MAP3K3: variants seen among roughly 807,000 people sequenced by gnomAD.
The protein encoded by MAP3K3 is MAP/ERK kinase kinase 3.
Under a neutral mutation model 80.9 loss-of-function variants are expected in MAP3K3, and 12 were observed. The ratio of observed to expected loss-of-function variants is 0.15; its 90% CI spans 0.10 to 0.24. The LOEUF is 0.24. MAP3K3 is among the 10% of genes least tolerant of loss of function. The pLI is 1.00. For missense variants in MAP3K3, 596 were observed against 834.7 expected, an observed-to-expected ratio of 0.71 and a Z score of 3.52; for synonymous variants, 272 against 307.1, an observed-to-expected ratio of 0.89 and a Z score of 1.19.
chr17:63,695,734 G>A lies in MAP3K3; in HGVS notation c.*1957G>A, dbSNP rs567220792. 5.7e-4 allele frequency: 87 copies of A among 152,688 alleles called. 1 individual carries two copies. Among genetic ancestry groups the A allele is most frequent in the African/African-American group, 2.0e-3 (82 of 41,544 alleles). 9.5% of individuals were successfully genotyped at this position (152,688 alleles called of 1,614,324 possible). On this transcript the variant is annotated 3_prime_UTR_variant, in exon 16 of 16. Coordinates refer to ENST00000361733, the MANE Select transcript of MAP3K3 (RefSeq NM_002401.5). The surrounding 1 kb of genome is among the most constrained non-coding windows in gnomAD (Gnocchi z 4.1). ...CTCAACTGTGCGTCCCAGGTTCAGG[G>A]TCTTACAGAGCTCCACCCCCTGGGG...
chr17:63,623,956 T>G (rs1338297690), intron 1 of MAP3K3, among the ~76,000 whole-genome samples: 1 of 152,134 alleles, frequency 6.6e-6, no homozygotes, highest in African/African-American at 2.4e-5. Context: ...AGATATTGTT[T>G]TGTGACCCAT....
At chr17:63,688,618 G>T (rs754301618) in intron 9 of MAP3K3, 24 bp downstream of exon 9, 15 of 1,606,264 alleles carry the variant, frequency 9.3e-6, no homozygotes, top group Admixed American at 8.3e-5. Context: ...AGCCTGGGTG[G>T]GTAATGCAGG....
At chr17:63,648,482 C>T (rs1258131174) in intron 3 of MAP3K3, among the ~76,000 whole-genome samples, 2 of 152,112 alleles carry the variant, frequency 1.3e-5, no homozygotes, top group African/African-American at 2.4e-5. Flanking sequence ...TAGATAGCAC[C>T]TAACAGTATC....
At chr17:63,681,622 A>G (rs1000005239) in intron 6 of MAP3K3, 144 bp from the exon 7 acceptor site, 38 of 634,828 alleles carry the variant, frequency 6.0e-5, no homozygotes, top group Non-Finnish European at 8.0e-5. Flanking sequence ...TGCCTGAGGG[A>G]GCTGGCACAT....
chr17:63,678,568 T>C (rs2035267187), intron 6 of MAP3K3, among the ~76,000 whole-genome samples: 1 of 152,226 alleles, frequency 6.6e-6, no homozygotes, highest in Non-Finnish European at 1.5e-5. Flanking sequence ...GACCCCATGT[T>C]AGCTTTCCTG....
chr17:63,650,101 G>T (rs2034619985), intron 3 of MAP3K3, among the ~76,000 whole-genome samples: 1 of 152,222 alleles, frequency 6.6e-6, no homozygotes, highest in African/African-American at 2.4e-5. Context: ...ACTAAGAGAT[G>T]AAGGTTGTTT....
At chr17:63,663,092 G>A (rs2034929200) in intron 5 of MAP3K3, among the ~76,000 whole-genome samples, 1 of 152,156 alleles carries the variant, frequency 6.6e-6, no homozygotes, top group East Asian at 1.9e-4. Flanking sequence ...AGGAGAACTT[G>A]TGAGATGTTG....
intron 6 of MAP3K3, among the ~76,000 whole-genome samples, chr17:63,677,950 C>T (rs1471580334): frequency 1.3e-5 from 2 of 152,224 alleles, no homozygotes; most frequent in Non-Finnish European, 2.9e-5. Flanking sequence ...ATGGGATCTC[C>T]ATCCTCCATA....
intron 1 of MAP3K3, among the ~76,000 whole-genome samples, chr17:63,628,799 G>C (rs1018607496): frequency 6.6e-6 from 1 of 152,110 alleles, no homozygotes; most frequent in African/African-American, 2.4e-5. Context: ...TGTTGTTAAT[G>C]ATTTATAAAA....
chr17:63,678,680 A>C (rs2035269420), intron 6 of MAP3K3, among the ~76,000 whole-genome samples: 1 of 152,262 alleles, frequency 6.6e-6, no homozygotes, highest in Admixed American at 6.5e-5. Context: ...AAATGTATTC[A>C]GCACAACCAC....
chr17:63,686,383 T>C (rs905146241), intron 8 of MAP3K3, among the ~76,000 whole-genome samples: 1 of 152,212 alleles, frequency 6.6e-6, no homozygotes, highest in African/African-American at 2.4e-5. Flanking sequence ...TATCATAGAA[T>C]ACAGTCATGG....
chr17:63,687,027 T>C (rs1461100575), intron 8 of MAP3K3, among the ~76,000 whole-genome samples: 2 of 152,144 alleles, frequency 1.3e-5, no homozygotes. Context: ...GAAAGATGCC[T>C]GGTTTAGCAG....
intron 2 of MAP3K3, chr17:63,636,982 C>T (rs560655467): frequency 1.3e-5 from 8 of 614,374 alleles, no homozygotes; most frequent in East Asian, 8.4e-5. Flanking sequence ...CCATGGGCTA[C>T]GGTATCCGGA....
intron 1 of MAP3K3, among the ~76,000 whole-genome samples, chr17:63,623,264 C>T (rs2034031280): frequency 6.6e-6 from 1 of 152,218 alleles, no homozygotes; most frequent in Admixed American, 6.5e-5. Context: ...GCTCTCCAGC[C>T]CTGTGCGCGC....
At position 63,696,050 on chromosome 17, in the gene MAP3K3, C is replaced by T. The variant is rs534039546; in HGVS notation, c.*2273C>T. ...GCCGTGCCGTCACTTTCTCATCATT[C>T]CATGGGGTGTGTCTGCCTGGGCCAA... On this transcript the variant is annotated 3_prime_UTR_variant, in exon 16 of 16. Transcript: ENST00000361733. The T allele has an allele frequency of 6.6e-6, 1 of 152,586 alleles. No individual in the cohort carries two copies. Among genetic ancestry groups the T allele is most frequent in the Non-Finnish European group, 1.5e-5 (1 of 68,092 alleles). The allele number at this position is 152,586 out of a possible 1,614,324, so 9.5% of individuals were successfully genotyped here.
At chr17:63,655,453 C>G (rs1481549388) in intron 4 of MAP3K3, among the ~76,000 whole-genome samples, 1 of 152,162 alleles carries the variant, frequency 6.6e-6, no homozygotes, top group Non-Finnish European at 1.5e-5. Context: ...TTTTAATAGC[C>G]ATCCTAGTAG....
At chr17:63,674,269 T>C (rs945999247) in intron 6 of MAP3K3, among the ~76,000 whole-genome samples, 2 of 152,034 alleles carry the variant, frequency 1.3e-5, no homozygotes, top group African/African-American at 2.4e-5. Flanking sequence ...AGTTTGGTAG[T>C]GAAATGGTGG....
intron 5 of MAP3K3, among the ~76,000 whole-genome samples, chr17:63,660,577 C>G (rs2034869264): frequency 6.6e-6 from 1 of 150,466 alleles, no homozygotes; most frequent in African/African-American, 2.5e-5. Flanking sequence ...TCTTCTTCTT[C>G]TTCTTCTTCT....
chr17:63,629,512 A>G (rs746012546), intron 1 of MAP3K3, among the ~76,000 whole-genome samples: 3 of 152,236 alleles, frequency 2.0e-5, no homozygotes, highest in Non-Finnish European at 2.9e-5. Flanking sequence ...AGTCCATACC[A>G]CAGAGATAAC....
Sources: allele counts gnomAD v4.1 joint callset (sites outside exome capture counted in the v4.1 genomes callset), GRCh38; gene constraint gnomAD v4.1.1; non-coding constraint Gnocchi (gnomAD v3.1); transcripts MANE v1.5; gene names NCBI Gene and HGNC (gene_info 2026-07-23, HGNC 2026-07-21).